The following MYT1L variants were observed in gnomAD, a reference collection of about 807,000 sequenced individuals.
MYT1L encodes the protein myelin transcription factor 1-like protein.
Under a neutral mutation model 126.7 loss-of-function variants are expected in MYT1L, and 12 were observed. The ratio of observed to expected loss-of-function variants is 0.09; its 90% CI spans 0.06 to 0.15. MYT1L has a LOEUF of 0.15. MYT1L is among the 10% of genes least tolerant of loss of function. The pLI, the probability that MYT1L is intolerant of heterozygous loss-of-function variation, is 1.00. For synonymous variants in MYT1L, 541 were observed against 604.2 expected (o/e 0.90, Z 1.53); for missense variants, 979 against 1,585.2 (o/e 0.62, Z 6.49).
At chr2:2,036,773 T>G (rs1005971637) in intron 4 of MYT1L, among the ~76,000 whole-genome samples, 2 of 152,182 alleles carry the variant, frequency 1.3e-5, no homozygotes, top group Non-Finnish European at 2.9e-5. Flanking sequence ...ACCTTGGCAT[T>G]CAAATCTCCA....
At chr2:2,043,063 C>T (rs541077845) in intron 4 of MYT1L, among the ~76,000 whole-genome samples, 5 of 152,264 alleles carry the variant, frequency 3.3e-5, no homozygotes, top group African/African-American at 1.2e-4. Context: ...AGACTCAAAG[C>T]GACACCCTGA....
At chr2:1,918,084 A>G (rs1440220929) in intron 10 of MYT1L, among the ~76,000 whole-genome samples, 1 of 152,170 alleles carries the variant, frequency 6.6e-6, no homozygotes, top group African/African-American at 2.4e-5. Context: ...CATACACAAA[A>G]TTAAGAAGTA....
chr2:2,233,280 G>A (rs2094203182), intron 2 of MYT1L, among the ~76,000 whole-genome samples: 1 of 152,200 alleles, frequency 6.6e-6, no homozygotes, highest in Non-Finnish European at 1.5e-5. Flanking sequence ...GTGCCAGGAC[G>A]ACAGGATCCA....
chr2:2,248,194 A>G (rs1318334570), intron 2 of MYT1L, among the ~76,000 whole-genome samples: 1 of 152,058 alleles, frequency 6.6e-6, no homozygotes, highest in Non-Finnish European at 1.5e-5. Flanking sequence ...ATGAAAAAGG[A>G]GTTATTACAA....
chr2:1,846,464 G>T (rs2042504517), intron 19 of MYT1L, among the ~76,000 whole-genome samples: 1 of 152,176 alleles, frequency 6.6e-6, no homozygotes, highest in Admixed American at 6.5e-5. Context: ...CGATGGAAAC[G>T]CTGTAAGGGA....
intron 18 of MYT1L, among the ~76,000 whole-genome samples, chr2:1,876,103 G>A (rs941851055): frequency 6.6e-6 from 1 of 152,172 alleles, no homozygotes; most frequent in Non-Finnish European, 1.5e-5. Context: ...CCTGATTCCC[G>A]GGTATTTTCA....
intron 1 of MYT1L, among the ~76,000 whole-genome samples, chr2:2,315,320 G>A (rs867067517): frequency 2.6e-5 from 4 of 151,976 alleles, no homozygotes; most frequent in South Asian, 2.1e-4. Context: ...AATCATTGTC[G>A]GCAGCCAAAG....
intron 8 of MYT1L, among the ~76,000 whole-genome samples, chr2:1,954,277 T>C (rs10180442): frequency 0.47 from 71,460 of 152,034 alleles, 19,507 homozygotes; most frequent in African/African-American, 0.76. Context: ...GCGTAGCCAC[T>C]GCTGCTGGCA....
intron 21 of MYT1L, among the ~76,000 whole-genome samples, chr2:1,823,741 G>C (rs1045314498): frequency 6.6e-5 from 10 of 152,210 alleles, no homozygotes; most frequent in Admixed American, 5.2e-4. Context: ...CACGAGCAGC[G>C]ATGAGGCTGG....
chr2:2,195,706 A>G (rs1357650356), intron 2 of MYT1L, among the ~76,000 whole-genome samples: 1 of 152,212 alleles, frequency 6.6e-6, no homozygotes, highest in African/African-American at 2.4e-5. Context: ...AATAAAACTT[A>G]TCTTAAAAAC....
chr2:2,312,509 A>T (rs1292777442), intron 1 of MYT1L, among the ~76,000 whole-genome samples: 1 of 152,062 alleles, frequency 6.6e-6, no homozygotes, highest in Non-Finnish European at 1.5e-5. Flanking sequence ...GCTACTCAGG[A>T]GGCTGAGGTG....
chr2:1,954,824 G>A (rs1302554211), intron 8 of MYT1L, among the ~76,000 whole-genome samples: 1 of 152,016 alleles, frequency 6.6e-6, no homozygotes, highest in Non-Finnish European at 1.5e-5. Flanking sequence ...CAGCACTTTG[G>A]GAGGCCGAGA....
intron 3 of MYT1L, among the ~76,000 whole-genome samples, chr2:2,125,213 A>G (rs1427428423): frequency 5.1e-4 from 78 of 151,994 alleles, no homozygotes. Context: ...AGTCTCCCTC[A>G]CTGCTGGGGT....
chr2:2,271,773 G>T (rs945647369), intron 2 of MYT1L, among the ~76,000 whole-genome samples: 1 of 152,176 alleles, frequency 6.6e-6, no homozygotes, highest in Non-Finnish European at 1.5e-5. Context: ...TCACAAAAAT[G>T]CCAGCTCCCT....
intron 18 of MYT1L, among the ~76,000 whole-genome samples, chr2:1,857,092 A>T (rs2044011966): frequency 6.6e-6 from 1 of 152,088 alleles, no homozygotes; most frequent in Admixed American, 6.5e-5. Context: ...TCAGTGTTTC[A>T]CAGGAGCATG....
chr2:2,005,561 T>G (rs1178956879), intron 4 of MYT1L, among the ~76,000 whole-genome samples: 2 of 150,606 alleles, frequency 1.3e-5, no homozygotes, highest in Admixed American at 6.6e-5. Flanking sequence ...CTTTCCTGCT[T>G]GCCTTCTTTC....
At chr2:1,799,366 C>T (rs56092019) in intron 23 of MYT1L, among the ~76,000 whole-genome samples, 6,579 of 152,254 alleles carry the variant, frequency 0.043, 166 homozygotes, top group East Asian at 0.072. Context: ...TAGGCACATG[C>T]GTTGTTCTTT....
intron 2 of MYT1L, among the ~76,000 whole-genome samples, chr2:2,185,880 G>A (rs1331171256): frequency 4.9e-5 from 6 of 122,494 alleles, no homozygotes; most frequent in Non-Finnish European, 1.0e-4. Flanking sequence ...CGTTCCTTAC[G>A]TGAGGGGGAC....
At chr2:2,232,834 T>A (rs1412493998) in intron 2 of MYT1L, among the ~76,000 whole-genome samples, 1 of 152,226 alleles carries the variant, frequency 6.6e-6, no homozygotes, top group African/African-American at 2.4e-5. Flanking sequence ...CTGACTGCGC[T>A]GTGACCTGCC....
Sources: gnomAD v4.1 joint callset for allele counts (sites outside exome capture counted in the v4.1 genomes callset) on GRCh38, gnomAD v4.1.1 for gene constraint, MANE v1.5 for transcripts, NCBI Gene and HGNC (gene_info 2026-07-23, HGNC 2026-07-21) for gene names.